OSBPL10: variants seen among roughly 807,000 people sequenced by gnomAD.
OSBPL10 encodes oxysterol binding protein like 10, also known as oxysterol-binding protein-related protein 10.
OSBPL10 carries 49 observed loss-of-function variants against 81.7 expected under a neutral mutation model. That is an observed-to-expected ratio of 0.60 (90% CI 0.48 to 0.76). The LOEUF is 0.76. Ranked by LOEUF, OSBPL10 falls within the 30% of genes least tolerant of loss-of-function variation. OSBPL10 has a pLI of 0.00. For missense variants in OSBPL10, 923 were observed against 987.8 expected (o/e 0.93, Z 0.88); for synonymous variants, 419 against 383.6 (o/e 1.09, Z -1.08).
At chr3:31,683,367 G>A (rs933623722) in intron 8 of OSBPL10, among the ~76,000 whole-genome samples, 17 of 152,168 alleles carry the variant, frequency 1.1e-4, no homozygotes, top group African/African-American at 3.4e-4. Flanking sequence ...GTGCACGCAC[G>A]CGCGTGCACA....
At chr3:31,833,075 C>G (rs1700285468) in intron 3 of OSBPL10, among the ~76,000 whole-genome samples, 1 of 152,200 alleles carries the variant, frequency 6.6e-6, no homozygotes, top group African/African-American at 2.4e-5. Flanking sequence ...TAATCACCTA[C>G]TTTCAGCTTC....
chr3:31,686,754 C>G (rs969490266), intron 7 of OSBPL10, among the ~76,000 whole-genome samples: 1 of 152,162 alleles, frequency 6.6e-6, no homozygotes, highest in Non-Finnish European at 1.5e-5. Context: ...AAATAACCTT[C>G]AGATGCCACC....
chr3:31,748,548 G>C (rs904089238), intron 4 of OSBPL10, among the ~76,000 whole-genome samples: 1 of 150,272 alleles, frequency 6.7e-6, no homozygotes, highest in Non-Finnish European at 1.5e-5. Context: ...TGCTAGTCCT[G>C]TTCAGAGTTC....
chr3:32,042,268 T>C (rs1221660309), intron 2 of OSBPL10, among the ~76,000 whole-genome samples: 1 of 152,238 alleles, frequency 6.6e-6, no homozygotes, highest in Non-Finnish European at 1.5e-5. Context: ...ACATGGCAGA[T>C]CAAAGACAAG....
intron 6 of OSBPL10, among the ~76,000 whole-genome samples, chr3:31,726,604 G>A (rs574955155): frequency 2.0e-5 from 3 of 152,046 alleles, no homozygotes; most frequent in East Asian, 1.9e-4. Flanking sequence ...GTGAGCCACC[G>A]CACCTGACCT....
intron 2 of OSBPL10, among the ~76,000 whole-genome samples, chr3:31,876,903 CTTTTTT>C (rs35788348): frequency 1.5e-5 from 2 of 131,758 alleles, no homozygotes; most frequent in East Asian, 2.2e-4. Context: ...TCAAATGGCA[CTTTTTT>C]TTTTTTTTTT....
At chr3:31,913,747 C>T (rs998027074) in intron 1 of OSBPL10, among the ~76,000 whole-genome samples, 7 of 152,248 alleles carry the variant, frequency 4.6e-5, no homozygotes, top group African/African-American at 1.7e-4. Flanking sequence ...TTGTTACTGA[C>T]AAGAAGCGTT....
intron 6 of OSBPL10, among the ~76,000 whole-genome samples, chr3:31,717,841 A>G (rs1361133059): frequency 6.6e-6 from 1 of 152,162 alleles, no homozygotes; most frequent in Non-Finnish European, 1.5e-5. Flanking sequence ...CTGCTTTAAA[A>G]ACTGTCACAT....
chr3:32,058,761 C>A (rs1699732315), intron 1 of OSBPL10, among the ~76,000 whole-genome samples: 1 of 152,156 alleles, frequency 6.6e-6, no homozygotes, highest in African/African-American at 2.4e-5. Flanking sequence ...TTGACCTGGG[C>A]TCAAGTCATC....
At chr3:31,858,592 G>C (rs1472310938) in intron 3 of OSBPL10, among the ~76,000 whole-genome samples, 2 of 152,148 alleles carry the variant, frequency 1.3e-5, no homozygotes, top group African/African-American at 4.8e-5. Context: ...AAAAATTACT[G>C]TCCTCATTTC....
chr3:31,989,947 G>A, intron 2 of OSBPL10: 3 of 1,614,146 alleles, frequency 1.9e-6, no homozygotes, highest in African/African-American at 1.3e-5. Context: ...CAAGTGTAAT[G>A]AATGTGGCAA....
At chr3:31,768,851 T>C (rs2125740354) in intron 4 of OSBPL10, among the ~76,000 whole-genome samples, 1 of 152,340 alleles carries the variant, frequency 6.6e-6, no homozygotes, top group African/African-American at 2.4e-5. Context: ...ACAAACAATT[T>C]CCTCAGCATT....
Position 31,702,405 on chromosome 3 carries a change from A to G in OSBPL10, c.1199T>C (p.Ile400Thr). Residue 400 changes from isoleucine to threonine, a missense_variant, in exon 7 of 12, where the codon ATT becomes ACT. Physicochemically the swap from Ile to Thr is moderately conservative, Grantham distance 89. This residue lies in a region of OSBPL10 where 22 missense variants were observed against 43.4 expected (regional missense o/e 0.51). Transcript: ENST00000396556. The part of the protein sequence containing the change: ...LGVMEDQRSI[I>T]LHLISQLKLG... ...TTTGAGTTGTGAAATGAGATGAAGA[A>G]TTATACTACGCTGATCCTCCATGAC... is the stretch of plus-strand genomic sequence containing the variant. 1 of 1,614,216 alleles carries G rather than the reference A, an allele frequency of 6.2e-7. No individual in the cohort carries two copies. Among genetic ancestry groups the G allele is most frequent in the African/African-American group, 1.3e-5 (1 of 75,058 alleles).
At chr3:31,812,594 T>C (rs2125480632) in intron 4 of OSBPL10, among the ~76,000 whole-genome samples, 1 of 152,060 alleles carries the variant, frequency 6.6e-6, no homozygotes, top group South Asian at 2.1e-4. Context: ...CTAAATAACA[T>C]GCTTTACTGT....
chr3:32,015,083 TG>T (rs1305687049), intron 2 of OSBPL10, among the ~76,000 whole-genome samples: 2 of 152,136 alleles, frequency 1.3e-5, no homozygotes, highest in East Asian at 3.8e-4. Flanking sequence ...TTCACACAAT[TG>T]GAAAAAACCA....
At chr3:31,900,603 T>C (rs891219949) in intron 1 of OSBPL10, among the ~76,000 whole-genome samples, 3 of 152,244 alleles carry the variant, frequency 2.0e-5, no homozygotes, top group Non-Finnish European at 4.4e-5. Context: ...TCAGTTGTTG[T>C]AACAGCAATT....
intron 5 of OSBPL10, among the ~76,000 whole-genome samples, chr3:31,745,385 G>A (rs1429124655): frequency 1.3e-5 from 2 of 152,134 alleles, no homozygotes; most frequent in African/African-American, 4.8e-5. Context: ...ATAAATATAA[G>A]GAAAAGGTGA....
intron 1 of OSBPL10, among the ~76,000 whole-genome samples, chr3:31,897,372 G>A (rs1696087003): frequency 6.6e-6 from 1 of 152,070 alleles, no homozygotes; most frequent in Non-Finnish European, 1.5e-5. Context: ...CATCAGGACT[G>A]GATTTTTAAA....
intron 1 of OSBPL10, among the ~76,000 whole-genome samples, chr3:31,922,416 C>T (rs11914604): frequency 0.18 from 27,687 of 151,988 alleles, 3,102 homozygotes; most frequent in East Asian, 0.37. Context: ...GTCAGGAGTT[C>T]GAGACCAGCC....
Sources: allele counts gnomAD v4.1 joint callset (sites outside exome capture counted in the v4.1 genomes callset), GRCh38; gene constraint gnomAD v4.1.1; regional missense constraint gnomAD v4.1.1; transcripts MANE v1.5; gene names NCBI Gene and HGNC (gene_info 2026-07-23, HGNC 2026-07-21).